Variants in ALLC observed in about 807,000 individuals in gnomAD.
ALLC encodes the protein allantoicase.
In ALLC, 40 loss-of-function variants were observed where a neutral mutation model predicts 45.0. The ratio of observed to expected loss-of-function variants is 0.89; its 90% CI spans 0.69 to 1.16. The LOEUF (loss-of-function observed/expected upper bound fraction) is 1.16. ALLC is among the 50% of genes most tolerant of loss of function. The pLI, the probability that ALLC is intolerant of heterozygous loss-of-function variation, is 0.00. For synonymous variants in ALLC, 176 were observed against 178.1 expected (o/e 0.99, Z 0.09); for missense variants, 488 against 493.1 (o/e 0.99, Z 0.10).
intron 7 of ALLC, among the ~76,000 whole-genome samples, chr2:3,687,209 TGTTCTTG>T (rs1426179722): frequency 6.6e-6 from 1 of 151,074 alleles, no homozygotes; most frequent in African/African-American, 2.4e-5. Context: ...ATATGGTTTT[TGTTCTTG>T]GTTCAGTTAG....
chr2:3,669,500 T>G (rs1389260886), intron 1 of ALLC, among the ~76,000 whole-genome samples: 1 of 150,974 alleles, frequency 6.6e-6, no homozygotes, highest in Admixed American at 6.6e-5. Context: ...AAACAAAAAT[T>G]AGCCGGGCGT....
intron 1 of ALLC, among the ~76,000 whole-genome samples, chr2:3,670,476 A>C (rs1400534834): frequency 1.3e-5 from 2 of 151,644 alleles, no homozygotes; most frequent in Non-Finnish European, 1.5e-5. Flanking sequence ...TGCTTTCTCA[A>C]CCTCAACATG....
intron 6 of ALLC, 94 bp from the exon 7 acceptor site, chr2:3,682,848 A>G (rs1667229916): frequency 7.4e-7 from 1 of 1,348,492 alleles, no homozygotes; most frequent in Non-Finnish European, 1.0e-6. Context: ...TTTATTCCAA[A>G]GTATCTCCAC....
intron 4 of ALLC, 125 bp from the exon 5 acceptor site, chr2:3,679,744 G>A: frequency 7.2e-7 from 1 of 1,382,378 alleles, no homozygotes; most frequent in Non-Finnish European, 1.0e-6. Flanking sequence ...GCCCTGAACA[G>A]TTTTTTCTGT....
chr2:3,678,699 C>T, intron 4 of ALLC, 144 bp downstream of exon 4: 2 of 675,790 alleles, frequency 3.0e-6, no homozygotes, highest in South Asian at 3.6e-5. Context: ...CTTATCTGAA[C>T]ATCAGGCTCT....
At chr2:3,650,798 G>A in the ALLC span, among the ~76,000 whole-genome samples, 2 of 152,012 alleles carry the variant, frequency 1.3e-5, no homozygotes, top group Non-Finnish European at 2.9e-5. Flanking sequence ...ATGGAGGGGA[G>A]TCTGTGTTAA....
chr2:3,657,682 G>A (rs141057707), upstream of ALLC, among the ~76,000 whole-genome samples: 477 of 152,382 alleles, frequency 3.1e-3, 3 homozygotes, highest in African/African-American at 0.011. Flanking sequence ...CAGGCGGCAC[G>A]TGTTGTTTTG....
chr2:3,677,781 A>G (rs982189131), intron 3 of ALLC, among the ~76,000 whole-genome samples: 4 of 152,216 alleles, frequency 2.6e-5, no homozygotes, highest in African/African-American at 9.6e-5. Flanking sequence ...CTAAGCAGTA[A>G]CGTAAGATCC....
At chr2:3,676,160 C>G (rs1309168391) in intron 3 of ALLC, among the ~76,000 whole-genome samples, 2 of 152,202 alleles carry the variant, frequency 1.3e-5, no homozygotes, top group Admixed American at 1.3e-4. Flanking sequence ...CAGTCTGTTG[C>G]AGAGAATTCT....
chr2:3,648,945 C>T, the ALLC span, among the ~76,000 whole-genome samples: 2 of 152,276 alleles, frequency 1.3e-5, no homozygotes, highest in Non-Finnish European at 2.9e-5. Context: ...GTGTGTAGGG[C>T]GGTCGGCGTG....
upstream of ALLC, among the ~76,000 whole-genome samples, chr2:3,653,427 G>A (rs945637246): frequency 6.6e-6 from 1 of 152,210 alleles, no homozygotes; most frequent in Non-Finnish European, 1.5e-5. This position sits in a 1 kb window ranked among gnomAD's most constrained non-coding sequence, Gnocchi z 4.1. Flanking sequence ...CCAGGTGACC[G>A]GCAAGGACTG....
chr2:3,676,189 C>T (rs1667020921), intron 3 of ALLC, among the ~76,000 whole-genome samples: 1 of 152,126 alleles, frequency 6.6e-6, no homozygotes, highest in African/African-American at 2.4e-5. Context: ...ATTTTATACA[C>T]TTAAATACAC....
At chr2:3,692,188 T>C (rs13384836) in intron 7 of ALLC, among the ~76,000 whole-genome samples, 6,916 of 152,300 alleles carry the variant, frequency 0.045, 205 homozygotes, top group East Asian at 0.11. Context: ...TGCCTGTGCA[T>C]TGAAGCATTA....
chr2:3,690,582 G>A (rs1376949779), intron 7 of ALLC, among the ~76,000 whole-genome samples: 1 of 150,076 alleles, frequency 6.7e-6, no homozygotes, highest in Non-Finnish European at 1.5e-5. Flanking sequence ...GTTACCATGA[G>A]GCTTATAAAA....
upstream of ALLC, among the ~76,000 whole-genome samples, chr2:3,656,058 T>A (rs1666431975): frequency 6.6e-6 from 1 of 152,276 alleles, no homozygotes; most frequent in Non-Finnish European, 1.5e-5. Flanking sequence ...AGTGGACATT[T>A]CCTCAACATC....
At chr2:3,683,532 A>G (rs1232165131) in intron 7 of ALLC, among the ~76,000 whole-genome samples, 1 of 152,168 alleles carries the variant, frequency 6.6e-6, no homozygotes, top group African/African-American at 2.4e-5. Flanking sequence ...AAGAAACCCC[A>G]TATCCTTTAG....
At chr2:3,695,606 TG>T in intron 7 of ALLC, 110 bp from the exon 8 acceptor site, 1 of 1,262,340 alleles carries the variant, frequency 7.9e-7, no homozygotes, top group Non-Finnish European at 1.1e-6. Context: ...CAGGTGGGTG[TG>T]GCCAAAGCCT....
intron 9 of ALLC, 83 bp downstream of exon 9, chr2:3,696,431 C>G: frequency 8.2e-7 from 1 of 1,220,440 alleles, no homozygotes; most frequent in Middle Eastern, 2.0e-4. Flanking sequence ...AACTTTTGCA[C>G]ATTTTAGAAA....
the ALLC span, among the ~76,000 whole-genome samples, chr2:3,653,159 G>C: frequency 1.3e-5 from 2 of 152,172 alleles, no homozygotes; most frequent in African/African-American, 2.4e-5. This position sits in a 1 kb window ranked among gnomAD's most constrained non-coding sequence, Gnocchi z 4.1. Context: ...TGCACACGGG[G>C]CCCCCCGAAG....
Sources: allele counts gnomAD v4.1 joint callset (sites outside exome capture counted in the v4.1 genomes callset), GRCh38; gene constraint gnomAD v4.1.1; non-coding constraint Gnocchi (gnomAD v3.1); transcripts MANE v1.5; gene names NCBI Gene and HGNC (gene_info 2026-07-23, HGNC 2026-07-21).